SPECC1: variants seen among roughly 807,000 people sequenced by gnomAD.
SPECC1 encodes the protein sperm antigen with calponin homology and coiled-coil domains 1.
SPECC1 carries 62 observed loss-of-function variants against 104.1 expected under a neutral mutation model. The observed-to-expected ratio is 0.60, with a 90% confidence interval of 0.49 to 0.74. The LOEUF (loss-of-function observed/expected upper bound fraction) is 0.74, where lower values mean the gene tolerates loss of function less well. Ranked by LOEUF, SPECC1 falls within the 30% of genes least tolerant of loss-of-function variation. SPECC1 has a pLI of 0.00. For synonymous variants in SPECC1, 513 were observed against 501.6 expected (o/e 1.02, Z -0.30); for missense variants, 1,306 against 1,310.5 (o/e 1.00, Z 0.05).
chr17:20,018,620 C>T (rs974555916), intron 1 of SPECC1, among the ~76,000 whole-genome samples: 14 of 152,300 alleles, frequency 9.2e-5, no homozygotes, highest in African/African-American at 3.4e-4. Context: ...TCTGGTGGTT[C>T]ACTTGGAAGA....
intron 12 of SPECC1, among the ~76,000 whole-genome samples, chr17:20,284,909 G>T (rs531915248): frequency 7.9e-5 from 12 of 152,272 alleles, no homozygotes; most frequent in Admixed American, 5.9e-4. Flanking sequence ...AAGAAGCTTT[G>T]CTTTTTTCTT....
At chr17:20,257,701 T>C in intron 11 of SPECC1, 94 bp downstream of exon 11, 2 of 1,465,618 alleles carry the variant, frequency 1.4e-6, no homozygotes, top group South Asian at 1.2e-5. Flanking sequence ...AATTTACTTC[T>C]ACAAATATTT....
At chr17:20,061,937 A>G (rs980782402) in intron 1 of SPECC1, among the ~76,000 whole-genome samples, 2 of 152,142 alleles carry the variant, frequency 1.3e-5, no homozygotes, top group African/African-American at 4.8e-5. Context: ...TTTCAGATCC[A>G]TAAACTATTT....
intron 12 of SPECC1, among the ~76,000 whole-genome samples, chr17:20,289,098 C>T (rs2151702246): frequency 6.6e-6 from 1 of 151,950 alleles, no homozygotes; most frequent in African/African-American, 2.4e-5. Flanking sequence ...GCACTTCTTA[C>T]ATGGTGGTGG....
intron 1 of SPECC1, among the ~76,000 whole-genome samples, chr17:20,051,104 C>CT (rs2045744250): frequency 3.2e-5 from 4 of 126,282 alleles, no homozygotes; most frequent in Non-Finnish European, 6.6e-5. Context: ...TTCTTTCTTT[C>CT]TTTCTTTCTT....
intron 1 of SPECC1, among the ~76,000 whole-genome samples, chr17:20,070,463 A>G (rs550757291): frequency 2.6e-5 from 4 of 152,288 alleles, no homozygotes; most frequent in African/African-American, 7.2e-5. Context: ...CCATTTGGTC[A>G]TGGTATATAA....
intron 2 of SPECC1, among the ~76,000 whole-genome samples, chr17:20,103,305 C>T (rs1161016416): frequency 1.3e-5 from 2 of 152,186 alleles, no homozygotes; most frequent in African/African-American, 4.8e-5. Flanking sequence ...CCCAGCCCCT[C>T]CTGGGCTTTC....
intron 1 of SPECC1, among the ~76,000 whole-genome samples, chr17:20,078,930 A>G (rs1597659316): frequency 6.6e-6 from 1 of 152,318 alleles, no homozygotes; most frequent in East Asian, 1.9e-4. Flanking sequence ...GAATTTGTGC[A>G]TTTGTATAAA....
intron 12 of SPECC1, among the ~76,000 whole-genome samples, chr17:20,266,477 G>C (rs1028650055): frequency 6.6e-6 from 1 of 152,176 alleles, no homozygotes; most frequent in African/African-American, 2.4e-5. Flanking sequence ...CCAGCTGCTC[G>C]GGAGGCTGAG....
intron 3 of SPECC1, among the ~76,000 whole-genome samples, chr17:20,129,688 G>A (rs1206199898): frequency 1.3e-5 from 2 of 152,028 alleles, no homozygotes; most frequent in African/African-American, 2.4e-5. Context: ...TCTATAGATT[G>A]TGCTTTTGAT....
At chr17:20,097,437 A>G (rs754903848) in intron 2 of SPECC1, among the ~76,000 whole-genome samples, 2 of 152,246 alleles carry the variant, frequency 1.3e-5, no homozygotes, top group African/African-American at 2.4e-5. Context: ...ATGATCTTCT[A>G]TATTAGCATG....
rs201021496 is a variant in SPECC1, at chr17:20,314,050, G to A, written c.3192G>A (p.Lys1064=). ...TGCAGTACGTGGCCCAAATCTACAAGTACTTTGAGACGTAACCCTGGAGGG... is the reference window on the plus strand; with the variant it reads ...TGCAGTACGTGGCCCAAATCTACAAATACTTTGAGACGTAACCCTGGAGGG... ...SVMQYVAQIY[K]YFET Residue 1064 remains lysine, a synonymous_variant, in exon 15 of 15, where the codon AAG becomes AAA. Coordinates refer to ENST00000395527, the MANE Select transcript of SPECC1 (RefSeq NM_001243439.2). 1.5e-5 allele frequency: 25 copies of A among 1,613,994 alleles called. No individual in the cohort carries two copies. Among genetic ancestry groups the A allele is most frequent in the Non-Finnish European group, 1.9e-5 (22 of 1,180,030 alleles).
chr17:20,137,061 T>A (rs1354683039), intron 3 of SPECC1, among the ~76,000 whole-genome samples: 1 of 152,244 alleles, frequency 6.6e-6, no homozygotes, highest in Non-Finnish European at 1.5e-5. Flanking sequence ...GCCTTCACCA[T>A]CGGAAACCAC....
At chr17:20,082,462 G>A (rs1229296256) in intron 1 of SPECC1, among the ~76,000 whole-genome samples, 1 of 152,086 alleles carries the variant, frequency 6.6e-6, no homozygotes, top group African/African-American at 2.4e-5. Context: ...AGCCAGGCGT[G>A]GTGGTGCGCA....
chr17:20,180,500 TCTA>T (rs759536935), intron 3 of SPECC1, among the ~76,000 whole-genome samples: 16 of 152,212 alleles, frequency 1.1e-4, no homozygotes, highest in Non-Finnish European at 1.6e-4. Context: ...AGAAACATAT[TCTA>T]CTAAGAGATG....
chr17:20,246,531 T>A (rs1371710950), intron 8 of SPECC1, among the ~76,000 whole-genome samples: 1 of 152,174 alleles, frequency 6.6e-6, no homozygotes, highest in African/African-American at 2.4e-5. Context: ...TTCTACCTGG[T>A]CTTGTACGTG....
At chr17:20,094,579 T>G (rs1195706550) in intron 1 of SPECC1, among the ~76,000 whole-genome samples, 1 of 152,066 alleles carries the variant, frequency 6.6e-6, no homozygotes, top group African/African-American at 2.4e-5. Flanking sequence ...AAAAGGCATT[T>G]CATTTCAGGG....
chr17:20,032,930 ACG>A (rs1016750679), intron 1 of SPECC1, among the ~76,000 whole-genome samples: 1 of 150,600 alleles, frequency 6.6e-6, no homozygotes, highest in Admixed American at 6.6e-5. Context: ...ATATACACAC[ACG>A]CGCGCACACA....
At chr17:20,263,164 A>G (rs2040089351) in intron 12 of SPECC1, among the ~76,000 whole-genome samples, 1 of 150,420 alleles carries the variant, frequency 6.6e-6, no homozygotes, top group African/African-American at 2.4e-5. Flanking sequence ...AGCCTCCCCC[A>G]GCCCATCAGC....
Sources: gnomAD v4.1 joint callset for allele counts (sites outside exome capture counted in the v4.1 genomes callset) on GRCh38, gnomAD v4.1.1 for gene constraint, MANE v1.5 for transcripts, NCBI Gene and HGNC (gene_info 2026-07-23, HGNC 2026-07-21) for gene names.